RNLS: variants seen among roughly 807,000 people sequenced by gnomAD.
RNLS encodes renalase.
Under a neutral mutation model 39.8 loss-of-function variants are expected in RNLS, and 39 were observed. The ratio of observed to expected loss-of-function variants is 0.98; its 90% CI spans 0.76 to 1.28. RNLS has a LOEUF of 1.28. Ranked by LOEUF, RNLS falls within the 50% of genes most tolerant of loss-of-function variation. The pLI, the probability that RNLS is intolerant of heterozygous loss-of-function variation, is 0.00. For missense variants in RNLS, 410 were observed against 413.3 expected (o/e 0.99, Z 0.07); for synonymous variants, 147 against 150.7 (o/e 0.98, Z 0.18).
intron 4 of RNLS, among the ~76,000 whole-genome samples, chr10:88,508,227 C>G (rs1845904144): frequency 6.6e-6 from 1 of 152,120 alleles, no homozygotes; most frequent in Non-Finnish European, 1.5e-5. Context: ...GAAGAGGAAC[C>G]ATAGCTTCGT....
intron 4 of RNLS, among the ~76,000 whole-genome samples, chr10:88,460,654 C>T (rs762481348): frequency 2.0e-5 from 3 of 152,152 alleles, no homozygotes; most frequent in Non-Finnish European, 4.4e-5. Context: ...GCATATAGTG[C>T]TACCCCCAAA....
intron 4 of RNLS, among the ~76,000 whole-genome samples, chr10:88,365,466 T>A (rs1024400444): frequency 3.3e-5 from 5 of 151,036 alleles, no homozygotes; most frequent in Admixed American, 2.7e-4. Context: ...ATATAATAAA[T>A]CTTTACCTGG....
intron 4 of RNLS, among the ~76,000 whole-genome samples, chr10:88,375,044 T>A (rs937103740): frequency 1.3e-5 from 2 of 152,140 alleles, no homozygotes; most frequent in African/African-American, 4.8e-5. Flanking sequence ...ATATATCCTT[T>A]TAAAATTTCC....
chr10:88,389,191 A>G (rs1446725013), intron 4 of RNLS, among the ~76,000 whole-genome samples: 2 of 152,228 alleles, frequency 1.3e-5, no homozygotes, highest in African/African-American at 4.8e-5. Context: ...GAGCTTTACT[A>G]AAGATGGCTA....
At chr10:88,548,116 G>T (rs1158895150) in intron 4 of RNLS, among the ~76,000 whole-genome samples, 1 of 151,206 alleles carries the variant, frequency 6.6e-6, no homozygotes, top group East Asian at 1.9e-4. Flanking sequence ...CAAAAAATTA[G>T]CTGGGCATGG....
intron 6 of RNLS, chr10:88,275,160 T>G (rs1842766365): frequency 8.7e-6 from 6 of 686,124 alleles, no homozygotes; most frequent in Non-Finnish European, 1.5e-5. Context: ...GGGAGGGTTC[T>G]GGCTCTATAG....
intron 4 of RNLS, among the ~76,000 whole-genome samples, chr10:88,428,650 T>C (rs1160051744): frequency 6.6e-6 from 1 of 151,970 alleles, no homozygotes; most frequent in Admixed American, 6.6e-5. Flanking sequence ...ATCCATTACT[T>C]TACCCCTGGG....
the RNLS span, among the ~76,000 whole-genome samples, chr10:88,242,542 G>T: frequency 1.4e-4 from 22 of 151,900 alleles, no homozygotes; most frequent in African/African-American, 5.3e-4. Flanking sequence ...AAAAATCTCT[G>T]TTTTTTTTCT....
downstream of RNLS, among the ~76,000 whole-genome samples, chr10:88,271,551 G>A (rs867843030): frequency 3.9e-5 from 6 of 152,116 alleles, no homozygotes; most frequent in South Asian, 2.1e-4. Flanking sequence ...CAAAACTTCC[G>A]TGACAGCAAA....
intron 6 of RNLS, among the ~76,000 whole-genome samples, chr10:88,301,288 G>A (rs1356398551): frequency 6.6e-6 from 1 of 152,152 alleles, no homozygotes; most frequent in African/African-American, 2.4e-5. Context: ...GAATTTCTCA[G>A]GTGATGATCT....
intron 2 of RNLS, among the ~76,000 whole-genome samples, chr10:88,581,915 T>A (rs1850592747): frequency 6.6e-6 from 1 of 152,242 alleles, no homozygotes; most frequent in African/African-American, 2.4e-5. Flanking sequence ...ATTTTGAGAA[T>A]CCATAGGTCG....
chr10:88,438,384 TA>T (rs1167853764), intron 4 of RNLS, among the ~76,000 whole-genome samples: 1 of 152,204 alleles, frequency 6.6e-6, no homozygotes, highest in Non-Finnish European at 1.5e-5. Context: ...TATAAATGAA[TA>T]AGTTCCCTTC....
chr10:88,305,717 C>A (rs1395730598), intron 6 of RNLS, among the ~76,000 whole-genome samples: 1 of 152,148 alleles, frequency 6.6e-6, no homozygotes, highest in East Asian at 1.9e-4. Flanking sequence ...TAGACTCTGA[C>A]ACAATAATAG....
chr10:88,225,520 C>T, the RNLS span, among the ~76,000 whole-genome samples: 2 of 152,096 alleles, frequency 1.3e-5, no homozygotes, highest in African/African-American at 4.8e-5. Flanking sequence ...TTGAGACCAG[C>T]CTGGGCAACA....
chr10:88,555,543 T>C (rs1848823679), intron 4 of RNLS, among the ~76,000 whole-genome samples: 1 of 152,138 alleles, frequency 6.6e-6, no homozygotes, highest in Admixed American at 6.6e-5. Flanking sequence ...CGCTTCACCA[T>C]GACTAAAAGC....
At chr10:88,514,587 C>T (rs913004370) in intron 4 of RNLS, among the ~76,000 whole-genome samples, 5 of 152,056 alleles carry the variant, frequency 3.3e-5, no homozygotes, top group African/African-American at 9.7e-5. Context: ...GTCCCCAACC[C>T]TTGGAAATCA....
the RNLS span, among the ~76,000 whole-genome samples, chr10:88,258,419 C>T: frequency 6.6e-6 from 1 of 152,210 alleles, no homozygotes; most frequent in Non-Finnish European, 1.5e-5. Context: ...CCACAACTCA[C>T]TTGCTCTGAT....
At chr10:88,279,030 G>GT (rs1366875862) in intron 6 of RNLS, among the ~76,000 whole-genome samples, 1 of 152,182 alleles carries the variant, frequency 6.6e-6, no homozygotes, top group Non-Finnish European at 1.5e-5. Context: ...TATTGAACAA[G>GT]TAAGTACACA....
At chr10:88,192,071 G>A in the RNLS span, among the ~76,000 whole-genome samples, 8 of 151,934 alleles carry the variant, frequency 5.3e-5, no homozygotes, top group African/African-American at 1.5e-4. Flanking sequence ...GCACAAGTAC[G>A]TAAGGCACTT....
Sources: allele counts gnomAD v4.1 joint callset (sites outside exome capture counted in the v4.1 genomes callset), GRCh38; gene constraint gnomAD v4.1.1; transcripts MANE v1.5; gene names NCBI Gene and HGNC (gene_info 2026-07-23, HGNC 2026-07-21).